Variants in CUL3 observed in about 807,000 individuals in gnomAD.
The protein encoded by CUL3 is cullin 3.
Under a neutral mutation model 89.1 loss-of-function variants are expected in CUL3, and 19 were observed. The observed-to-expected ratio is 0.21, with a 90% CI of 0.15 to 0.31. The LOEUF is 0.31. CUL3 is among the 10% of genes least tolerant of loss of function. The pLI, the probability that CUL3 is intolerant of heterozygous loss-of-function variation, is 1.00. For synonymous variants in CUL3, 351 were observed against 308.4 expected (o/e 1.14, Z -1.45); for missense variants, 469 against 942.3 (o/e 0.50, Z 6.58).
At chr2:224,554,988 C>G (rs903738275) in intron 2 of CUL3, among the ~76,000 whole-genome samples, 1 of 152,132 alleles carries the variant, frequency 6.6e-6, no homozygotes, top group African/African-American at 2.4e-5. Flanking sequence ...TGGCTCTGGG[C>G]TCTTCATTTT....
intron 6 of CUL3, among the ~76,000 whole-genome samples, chr2:224,507,774 T>C (rs1306752589): frequency 6.6e-6 from 1 of 152,182 alleles, no homozygotes; most frequent in Non-Finnish European, 1.5e-5. Flanking sequence ...AAAATACAGT[T>C]TTCCCATATG....
chr2:224,513,704 A>C (rs1194677641), intron 4 of CUL3, 66 bp from the exon 5 acceptor site: 3 of 1,127,732 alleles, frequency 2.7e-6, no homozygotes, highest in Non-Finnish European at 3.8e-6. Context: ...AAAAATTACA[A>C]AAAGGAGTAG....
intron 15 of CUL3, among the ~76,000 whole-genome samples, chr2:224,475,055 T>G (rs1449949410): frequency 1.3e-5 from 2 of 152,236 alleles, no homozygotes; most frequent in East Asian, 3.8e-4. Context: ...TCTTGCTCTG[T>G]TGCCCAGGCT....
rs1426055570 is a variant in CUL3, at chr2:224,574,185, C to T, written c.66+10759G>A. 2.6e-5 allele frequency among the ~76,000 whole-genome samples: 4 copies of T among 152,236 alleles called. No individual in the cohort carries two copies. In the South Asian group the frequency reaches 6.2e-4, roughly 24 times the overall value. On this transcript the variant is annotated intron_variant, in intron 1 of 15. Coordinates refer to ENST00000264414, the MANE Select transcript of CUL3 (RefSeq NM_003590.5). ...GTAGGTAAAAATTCCCCTTTGAAGT[C>T]GTTTTATTCATCTGCTCAGCAGTAA...
At chr2:224,567,700 A>G (rs1357983356) in intron 1 of CUL3, among the ~76,000 whole-genome samples, 4 of 151,844 alleles carry the variant, frequency 2.6e-5, no homozygotes, top group Admixed American at 2.0e-4. Context: ...AGATTGTGCC[A>G]CTGCACTCCA....
chr2:224,482,155 G>C, intron 13 of CUL3, 77 bp from the exon 14 acceptor site: 1 of 1,126,516 alleles, frequency 8.9e-7, no homozygotes, highest in East Asian at 2.6e-5. Flanking sequence ...AACTGACCAA[G>C]CAGTAGTTAA....
intron 3 of CUL3, among the ~76,000 whole-genome samples, chr2:224,530,885 C>T (rs141796590): frequency 0.011 from 1,712 of 151,606 alleles, 32 homozygotes; most frequent in African/African-American, 0.039. Context: ...CCAGCCTGGG[C>T]GACAGAGCAA....
At chr2:224,523,575 A>G (rs1693348797) in intron 3 of CUL3, among the ~76,000 whole-genome samples, 1 of 152,248 alleles carries the variant, frequency 6.6e-6, no homozygotes, top group South Asian at 2.1e-4. Context: ...GTATACACCC[A>G]AAAGAAATGA....
Position 224,521,591 on chromosome 2 carries a change from C to T in CUL3, c.379-6819G>A, listed in dbSNP as rs868681509. The stretch of plus-strand genomic sequence containing the variant: ...GATTACAGGTATGTGCCACCATGCC[C>T]GGCTAATTTTTGTATTTTCAGTAGA... On this transcript the variant is annotated intron_variant, in intron 3 of 15. Transcript: ENST00000264414. Among the ~76,000 whole-genome samples, 8 of 151,896 alleles carry T rather than the reference C, an allele frequency of 5.3e-5. No individual in the cohort carries two copies. In the South Asian group the frequency reaches 1.0e-3, roughly 20 times the overall value.
At chr2:224,583,379 T>A (rs1350064190) in intron 1 of CUL3, among the ~76,000 whole-genome samples, 1 of 152,264 alleles carries the variant, frequency 6.6e-6, no homozygotes, top group South Asian at 2.1e-4. Flanking sequence ...AAAGAAAATC[T>A]GTTGTATACA....
In CUL3 at chr2:224,471,467, CT is replaced by C. The variant is rs766303885; in HGVS notation, c.*2777del. 7.2e-5 allele frequency: 14 copies of C among 195,438 alleles called. No individual in the cohort carries two copies. Among genetic ancestry groups the C allele is most frequent in the Non-Finnish European group, 1.2e-4 (11 of 94,208 alleles). 12.1% of individuals were successfully genotyped at this position (195,438 alleles called of 1,614,324 possible). On this transcript the variant is annotated 3_prime_UTR_variant, in exon 16 of 16. Transcript: ENST00000264414. ...CATAATCTTAAAACTGGTTCTAGGC[CT>C]TTTCTGCTACCCAACATATCCGGTG...
At chr2:224,532,487 G>A (rs1164902725) in intron 3 of CUL3, among the ~76,000 whole-genome samples, 1 of 151,996 alleles carries the variant, frequency 6.6e-6, no homozygotes, top group African/African-American at 2.4e-5. Flanking sequence ...AAGGAGAATG[G>A]GGATTAGCAG....
At chr2:224,536,239 T>C (rs1370526065) in intron 2 of CUL3, among the ~76,000 whole-genome samples, 1 of 152,206 alleles carries the variant, frequency 6.6e-6, no homozygotes, top group Non-Finnish European at 1.5e-5. Context: ...AACTACTCAG[T>C]ACACTTCAGC....
intron 1 of CUL3, among the ~76,000 whole-genome samples, chr2:224,566,263 C>G (rs575181156): frequency 1.3e-5 from 2 of 152,124 alleles, no homozygotes; most frequent in African/African-American, 4.8e-5. Context: ...GGAACCAATC[C>G]GGAAAAAGAG....
intron 1 of CUL3, among the ~76,000 whole-genome samples, chr2:224,565,272 T>C (rs1039926480): frequency 3.9e-5 from 6 of 152,150 alleles, no homozygotes; most frequent in Non-Finnish European, 7.3e-5. Context: ...AGAAAATGTA[T>C]TTGGTATTCA....
intron 1 of CUL3, among the ~76,000 whole-genome samples, chr2:224,565,896 T>C (rs1381587090): frequency 1.3e-5 from 2 of 152,204 alleles, no homozygotes; most frequent in African/African-American, 4.8e-5. Context: ...ATGTATCATT[T>C]CAGGCTAGAT....
intron 3 of CUL3, among the ~76,000 whole-genome samples, chr2:224,525,017 C>CAA (rs60714794): frequency 1.8e-5 from 2 of 110,130 alleles, no homozygotes; most frequent in Admixed American, 1.7e-4. Context: ...CTAAAGAAAG[C>CAA]AAAAAAAAAA....
At position 224,514,718 on chromosome 2, in the gene CUL3, T is replaced by A; in HGVS notation, c.433A>T (p.Ile145Phe). The change falls in exon 4 of 16, where the codon ATT (isoleucine) becomes TTT (phenylalanine). Residue 145 changes from isoleucine to phenylalanine, a missense_variant. By Grantham distance (21) the Ile-to-Phe change is conservative (BLOSUM62 0). Around this residue, in one of 4 missense-constraint regions of CUL3, gnomAD observed 370 missense variants for 733.2 expected, o/e 0.50. Coordinates refer to ENST00000264414, the MANE Select transcript of CUL3 (RefSeq NM_003590.5). ...CGTACAACTTGATCTCGAAAAATAA[T>A]TAATCCCAAATTGTAGACGTTCTCC... is the stretch of plus-strand genomic sequence containing the variant. ...NVENVYNLGL[I>F]IFRDQVVRYG... 1 of 1,613,430 alleles carries A rather than the reference T, an allele frequency of 6.2e-7. No individual in the cohort carries two copies. The highest frequency in any genetic ancestry group is 8.5e-7 in the Non-Finnish European group (1 of 1,179,476).
chr2:224,558,859 G>GGTGAAACCCC (rs71062945), intron 1 of CUL3, among the ~76,000 whole-genome samples: 112,300 of 149,930 alleles, frequency 0.75, 42,780 homozygotes, highest in African/African-American at 0.89. Context: ...TGGCTAATAC[G>GGTGAAACCCC]GTCTCTACTA....
Sources: gnomAD v4.1 joint callset for allele counts (sites outside exome capture counted in the v4.1 genomes callset) on GRCh38, gnomAD v4.1.1 for gene constraint, gnomAD v4.1.1 regional missense constraint, MANE v1.5 for transcripts, NCBI Gene and HGNC (gene_info 2026-07-23, HGNC 2026-07-21) for gene names.